Variants in ATAD2B observed in about 807,000 individuals in gnomAD.
ATAD2B encodes the protein ATPase family AAA domain containing 2B, also known as ATPase family AAA domain-containing protein 2B.
ATAD2B carries 40 observed loss-of-function variants against 167.6 expected under a neutral mutation model. That is an observed-to-expected ratio of 0.24 (90% CI 0.19 to 0.31). The LOEUF is 0.31. Ranked by LOEUF, ATAD2B falls within the 10% of genes least tolerant of loss-of-function variation. The pLI is 1.00. For missense variants in ATAD2B, 1,242 were observed against 1,757.2 expected (o/e 0.71, Z 5.24); for synonymous variants, 579 against 596.5 (o/e 0.97, Z 0.43).
intron 1 of ATAD2B, among the ~76,000 whole-genome samples, chr2:23,899,217 G>A (rs774882941): frequency 9.2e-5 from 14 of 151,760 alleles, no homozygotes; most frequent in Middle Eastern, 3.4e-3. Context: ...CGAGGGTGAG[G>A]TGGGAGGATC....
the ATAD2B span, among the ~76,000 whole-genome samples, chr2:23,716,902 G>A: frequency 6.6e-6 from 1 of 152,142 alleles, no homozygotes; most frequent in African/African-American, 2.4e-5. Flanking sequence ...ATCAGTGACT[G>A]TGCTAAATCT....
chr2:23,718,038 G>T, the ATAD2B span, among the ~76,000 whole-genome samples: 21 of 152,312 alleles, frequency 1.4e-4, no homozygotes, highest in Admixed American at 1.0e-3. Flanking sequence ...TCTGGCTCTG[G>T]TTAAGATGGT....
chr2:23,698,903 C>T, the ATAD2B span, among the ~76,000 whole-genome samples: 2 of 152,208 alleles, frequency 1.3e-5, no homozygotes, highest in African/African-American at 2.4e-5. Context: ...TACTGAAAGA[C>T]TGAGGACTAA....
chr2:23,897,961 T>C (rs1700344763), intron 1 of ATAD2B, among the ~76,000 whole-genome samples: 3 of 152,180 alleles, frequency 2.0e-5, no homozygotes, highest in Non-Finnish European at 4.4e-5. Flanking sequence ...CACATACATA[T>C]ATACCTAAAT....
the ATAD2B span, among the ~76,000 whole-genome samples, chr2:23,685,118 C>A: frequency 2.6e-5 from 4 of 152,266 alleles, no homozygotes; most frequent in Admixed American, 6.5e-5. Flanking sequence ...TGAGCCTAAA[C>A]CGGCGCTGTG....
chr2:23,704,028 G>A, the ATAD2B span, among the ~76,000 whole-genome samples: 1 of 152,164 alleles, frequency 6.6e-6, no homozygotes, highest in African/African-American at 2.4e-5. Flanking sequence ...AGACCAGTAG[G>A]GTGGAGCCCA....
At chr2:23,761,508 A>G (rs1478489441) in intron 24 of ATAD2B, among the ~76,000 whole-genome samples, 1 of 152,160 alleles carries the variant, frequency 6.6e-6, no homozygotes, top group Non-Finnish European at 1.5e-5. Context: ...AATCCAAAAC[A>G]CTTCTGGGTC....
At chr2:23,696,326 C>T in the ATAD2B span, 15 of 1,551,048 alleles carry the variant, frequency 9.7e-6, no homozygotes, top group Non-Finnish European at 1.1e-5. The surrounding 1 kb of genome is among the most constrained non-coding windows in gnomAD (Gnocchi z 5.5). Flanking sequence ...TCCCACACTG[C>T]CTCCAGGTGG....
intron 7 of ATAD2B, 28 bp from the exon 8 acceptor site, chr2:23,875,932 A>G (rs771227823): frequency 3.0e-5 from 43 of 1,438,130 alleles, no homozygotes; most frequent in Middle Eastern, 1.7e-4. Context: ...GATAATAGAG[A>G]AATAACTAAT....
At chr2:23,766,401 A>G (rs1215770695) in intron 22 of ATAD2B, among the ~76,000 whole-genome samples, 1 of 152,228 alleles carries the variant, frequency 6.6e-6, no homozygotes, top group Non-Finnish European at 1.5e-5. Context: ...CCAGAGTTGC[A>G]AAACAACATT....
intron 13 of ATAD2B, among the ~76,000 whole-genome samples, chr2:23,849,853 C>A (rs528546317): frequency 6.6e-6 from 1 of 152,154 alleles, no homozygotes; most frequent in South Asian, 2.1e-4. Flanking sequence ...ACAAAAGAGT[C>A]TGCTTAACAC....
chr2:23,804,176 T>C (rs1373748984), intron 18 of ATAD2B, among the ~76,000 whole-genome samples: 1 of 152,258 alleles, frequency 6.6e-6, no homozygotes, highest in Non-Finnish European at 1.5e-5. Context: ...CCTTTACCAA[T>C]TATTTAAAAA....
intron 25 of ATAD2B, among the ~76,000 whole-genome samples, chr2:23,757,012 T>C (rs1488267639): frequency 6.6e-6 from 1 of 152,184 alleles, no homozygotes; most frequent in Non-Finnish European, 1.5e-5. Context: ...GAATATATCA[T>C]ACTGCTATTA....
intron 6 of ATAD2B, among the ~76,000 whole-genome samples, chr2:23,884,028 T>C (rs960534322): frequency 1.3e-5 from 2 of 151,828 alleles, no homozygotes; most frequent in African/African-American, 2.4e-5. Context: ...CCTGTAATAC[T>C]AGGTACTCGA....
the ATAD2B span, among the ~76,000 whole-genome samples, chr2:23,721,973 T>C: frequency 6.6e-6 from 1 of 152,236 alleles, no homozygotes; most frequent in Non-Finnish European, 1.5e-5. Context: ...CACTGAGAAA[T>C]TTGCAAACAC....
intron 20 of ATAD2B, among the ~76,000 whole-genome samples, chr2:23,786,631 C>T (rs1680862981): frequency 6.6e-6 from 1 of 152,058 alleles, no homozygotes; most frequent in African/African-American, 2.4e-5. Context: ...CCATCGTTGA[C>T]CAAAACGTCA....
chr2:23,877,855 C>CAA (rs1314301041), intron 7 of ATAD2B, among the ~76,000 whole-genome samples: 1 of 141,564 alleles, frequency 7.1e-6, no homozygotes, highest in African/African-American at 2.6e-5. Flanking sequence ...GAGACTATCT[C>CAA]AAAAAAAAAG....
At chr2:23,754,806 A>G (rs1675764144) in intron 25 of ATAD2B, 32 bp from the exon 26 acceptor site, 1 of 1,594,068 alleles carries the variant, frequency 6.3e-7, no homozygotes, top group African/African-American at 1.4e-5. Flanking sequence ...ACACTGCAGC[A>G]AGTAAAAGTT....
At chr2:23,877,632 G>C (rs925505283) in intron 7 of ATAD2B, among the ~76,000 whole-genome samples, 5 of 150,444 alleles carry the variant, frequency 3.3e-5, no homozygotes, top group African/African-American at 1.2e-4. Flanking sequence ...AGCACTTTGG[G>C]AGGCTAAGGC....
Sources: gnomAD v4.1 joint callset for allele counts (sites outside exome capture counted in the v4.1 genomes callset) on GRCh38, gnomAD v4.1.1 for gene constraint, Gnocchi (gnomAD v3.1) non-coding constraint, MANE v1.5 for transcripts, NCBI Gene and HGNC (gene_info 2026-07-23, HGNC 2026-07-21) for gene names.